The following PLXNA4 variants were observed in gnomAD, a reference collection of about 807,000 sequenced individuals.
PLXNA4 encodes plexin A4.
Under a neutral mutation model 191.8 loss-of-function variants are expected in PLXNA4, and 44 were observed. That is an observed-to-expected ratio of 0.23 (90% CI 0.18 to 0.29). PLXNA4 has a LOEUF of 0.29. Among genes scored for constraint, PLXNA4 ranks in the 10% least tolerant of loss-of-function variants. The pLI, the probability that PLXNA4 is intolerant of heterozygous loss-of-function variation, is 1.00. For missense variants in PLXNA4, 1,800 were observed against 2,488.8 expected, an observed-to-expected ratio of 0.72 and a Z score of 5.89; for synonymous variants, 1,082 against 1,009.5, an observed-to-expected ratio of 1.07 and a Z score of -1.36.
intron 3 of PLXNA4, among the ~76,000 whole-genome samples, chr7:132,358,098 C>T (rs1803784251): frequency 6.6e-6 from 1 of 152,214 alleles, no homozygotes; most frequent in Non-Finnish European, 1.5e-5. Context: ...CACTAACTTG[C>T]TTTTTAGAAT....
chr7:132,191,487 G>A (rs1042093588), intron 14 of PLXNA4, among the ~76,000 whole-genome samples: 2 of 152,004 alleles, frequency 1.3e-5, no homozygotes, highest in African/African-American at 4.8e-5. Context: ...CTGGAGTGAG[G>A]GGCCTGACTG....
intron 1 of PLXNA4, among the ~76,000 whole-genome samples, chr7:132,563,464 TC>T: frequency 1.0e-5 from 1 of 99,816 alleles, no homozygotes; most frequent in Admixed American, 1.0e-4. Context: ...CTCCTTCTCC[TC>T]CTCCTCCTTC....
At chr7:132,375,463 G>T (rs1804623313) in intron 3 of PLXNA4, among the ~76,000 whole-genome samples, 1 of 152,172 alleles carries the variant, frequency 6.6e-6, no homozygotes, top group African/African-American at 2.4e-5. Flanking sequence ...AATACCATGT[G>T]CATGTTCTGT....
chr7:132,462,423 T>C (rs952333320), intron 3 of PLXNA4, among the ~76,000 whole-genome samples: 2 of 152,158 alleles, frequency 1.3e-5, no homozygotes, highest in African/African-American at 4.8e-5. Context: ...CTATGAAATA[T>C]TAGGCTGCCA....
chr7:132,322,606 A>G (rs1053716678), intron 3 of PLXNA4, among the ~76,000 whole-genome samples: 2 of 151,990 alleles, frequency 1.3e-5, no homozygotes, highest in East Asian at 1.9e-4. Context: ...TGCAATTTCA[A>G]CCTCTCAGGA....
intron 1 of PLXNA4, among the ~76,000 whole-genome samples, chr7:132,558,053 A>G (rs1158778829): frequency 6.6e-6 from 1 of 152,210 alleles, no homozygotes; most frequent in Non-Finnish European, 1.5e-5. Flanking sequence ...TGAGATGTAA[A>G]TACTGAAAAT....
chr7:132,150,530 G>A (rs936882324), intron 25 of PLXNA4, among the ~76,000 whole-genome samples: 2 of 152,194 alleles, frequency 1.3e-5, no homozygotes, highest in Admixed American at 6.5e-5. Flanking sequence ...ACAAAAAAAA[G>A]GAGCCAGCAT....
At chr7:132,557,218 G>A (rs1165220692) in intron 1 of PLXNA4, among the ~76,000 whole-genome samples, 3 of 152,220 alleles carry the variant, frequency 2.0e-5, no homozygotes, top group Non-Finnish European at 4.4e-5. Flanking sequence ...TAGATGTGGA[G>A]TCAGACCTAC....
At chr7:132,579,153 T>C (rs1802351839), upstream of PLXNA4, among the ~76,000 whole-genome samples, 1 of 152,206 alleles carries the variant, frequency 6.6e-6, no homozygotes, top group Non-Finnish European at 1.5e-5. Flanking sequence ...TTAAAATTGC[T>C]GCATGGGTCC....
At chr7:132,213,105 A>G (rs1459707082) in intron 9 of PLXNA4, among the ~76,000 whole-genome samples, 2 of 152,222 alleles carry the variant, frequency 1.3e-5, no homozygotes, top group Non-Finnish European at 2.9e-5. Context: ...TATAACATGG[A>G]TGAACCTTGG....
chr7:132,294,102 T>A (rs961340014), intron 4 of PLXNA4, among the ~76,000 whole-genome samples: 1 of 152,110 alleles, frequency 6.6e-6, no homozygotes, highest in Non-Finnish European at 1.5e-5. Flanking sequence ...ATATAGCAAA[T>A]AAGAAGAGAC....
chr7:132,565,878 C>T (rs1801700005), intron 1 of PLXNA4, among the ~76,000 whole-genome samples: 1 of 152,188 alleles, frequency 6.6e-6, no homozygotes, highest in Non-Finnish European at 1.5e-5. Context: ...AGGGTGGCTG[C>T]CACACTTCTC....
intron 3 of PLXNA4, among the ~76,000 whole-genome samples, chr7:132,415,826 T>G (rs529979362): frequency 1.3e-5 from 2 of 152,134 alleles, no homozygotes; most frequent in African/African-American, 4.8e-5. Flanking sequence ...CTGCAGCTAG[T>G]AAGTGGTCAA....
intron 3 of PLXNA4, among the ~76,000 whole-genome samples, chr7:132,396,204 A>G (rs758219373): frequency 1.3e-5 from 2 of 152,228 alleles, no homozygotes; most frequent in Non-Finnish European, 2.9e-5. Context: ...CAGTACAGAT[A>G]CTGAAGAGTA....
intron 3 of PLXNA4, among the ~76,000 whole-genome samples, chr7:132,449,456 C>A (rs1307471671): frequency 6.6e-6 from 1 of 152,186 alleles, no homozygotes; most frequent in Non-Finnish European, 1.5e-5. Context: ...CTCCAAACCC[C>A]CAACTCAATC....
chr7:132,583,448 T>G (rs1240282199), intron 2 of PLXNA4, among the ~76,000 whole-genome samples: 3 of 152,214 alleles, frequency 2.0e-5, no homozygotes, highest in African/African-American at 7.2e-5. Context: ...TCGCATCACC[T>G]TCTCTCCTGT....
At chr7:132,212,054 A>G (rs874454) in intron 9 of PLXNA4, among the ~76,000 whole-genome samples, 117,015 of 152,080 alleles carry the variant, frequency 0.77, 46,122 homozygotes, top group African/African-American at 0.94. Flanking sequence ...GCAGGCGTGA[A>G]GCCTTCCATA....
At chr7:132,145,419 A>C in intron 28 of PLXNA4, 131 bp from the exon 29 acceptor site, 1 of 1,240,596 alleles carries the variant, frequency 8.1e-7, no homozygotes. Context: ...AAATTGGGTA[A>C]GTCCATGCAT....
intron 1 of PLXNA4, among the ~76,000 whole-genome samples, chr7:132,575,356 T>C (rs952022709): frequency 1.3e-5 from 2 of 152,110 alleles, no homozygotes. Context: ...CGGAGCAGGC[T>C]TGGGCTCTGG....
Sources: allele counts gnomAD v4.1 joint callset (sites outside exome capture counted in the v4.1 genomes callset), GRCh38; gene constraint gnomAD v4.1.1; transcripts MANE v1.5; gene names NCBI Gene and HGNC (gene_info 2026-07-23, HGNC 2026-07-21).